The following UBA3 variants were observed in gnomAD, a reference collection of about 807,000 sequenced individuals.
UBA3 encodes the protein ubiquitin like modifier activating enzyme 3, also known as NEDD8-activating enzyme E1 catalytic subunit.
In UBA3, 26 loss-of-function variants were observed where a neutral mutation model predicts 73.5. That is an observed-to-expected ratio of 0.35 (90% CI 0.26 to 0.49). The LOEUF (loss-of-function observed/expected upper bound fraction) is 0.49. UBA3 is among the 20% of genes least tolerant of loss of function. UBA3 has a pLI of 0.98. For synonymous variants in UBA3, 217 were observed against 191.2 expected (o/e 1.13, Z -1.11); for missense variants, 495 against 555.6 (o/e 0.89, Z 1.10).
rs558794194 is a variant in UBA3 at position 69,072,920 on chromosome 3, A to C, written c.265-1303T>G. On this transcript the variant is annotated intron_variant, in intron 4 of 17. Transcript: ENST00000361055. ...TCTCACAGCACACCACCAATCCATCAGCTAATCCTGTTGATTCCATCTTCA... is the reference window on the plus strand; with the variant it reads ...TCTCACAGCACACCACCAATCCATCCGCTAATCCTGTTGATTCCATCTTCA... Among the ~76,000 whole-genome samples, 13 of 152,310 alleles carry C rather than the reference A, an allele frequency of 8.5e-5. No individual in the cohort carries two copies. The South Asian group carries it at 2.7e-3, about 32-fold the overall frequency.
intron 4 of UBA3, among the ~76,000 whole-genome samples, chr3:69,074,118 T>G (rs3821562): frequency 0.23 from 35,128 of 152,176 alleles, 4,167 homozygotes; most frequent in East Asian, 0.38. Flanking sequence ...AATCTTCAGA[T>G]CTAATCTTCA....
At chr3:69,067,064 C>T (rs1575839001) in intron 6 of UBA3, among the ~76,000 whole-genome samples, 2 of 152,218 alleles carry the variant, frequency 1.3e-5, no homozygotes, top group South Asian at 4.1e-4. Flanking sequence ...TATTCCTTTG[C>T]TTTTCTATAT....
intron 1 of UBA3, 49 bp from the exon 2 acceptor site, chr3:69,080,202 G>C (rs1334820331): frequency 7.0e-7 from 1 of 1,437,344 alleles, no homozygotes; most frequent in Non-Finnish European, 9.7e-7. Flanking sequence ...CACACTGGGC[G>C]CCGCGAGGGG....
chr3:69,080,057 G>A lies in UBA3; in HGVS notation c.62+55C>T, dbSNP rs564973245. 94 of 1,559,840 alleles carry A rather than the reference G, an allele frequency of 6.0e-5. 3 individuals carry two copies. In the South Asian group the frequency reaches 9.0e-4, roughly 15 times the overall value. ...GCTGCGGCTGGTCCCCTAGGCCTGGGGTGGGGGGAGGCGGGGGTCCCCGGA... is the reference window on the plus strand; with the variant it reads ...GCTGCGGCTGGTCCCCTAGGCCTGGAGTGGGGGGAGGCGGGGGTCCCCGGA... On this transcript the variant is annotated intron_variant, in intron 2 of 17. Transcript: ENST00000361055.
In UBA3 at chr3:69,055,197, C is replaced by T. The variant is rs2107477110; in HGVS notation, c.*240G>A. 3.4e-6 allele frequency: 1 copy of T among 297,898 alleles called. No individual in the cohort carries two copies. The allele number at this position is 297,898 out of a possible 1,614,324, so 18.5% of individuals were successfully genotyped here. A position where few individuals can be genotyped will look rare whatever the true frequency, so the allele number is the denominator to read the frequency against. On this transcript the variant is annotated 3_prime_UTR_variant, in exon 18 of 18. Transcript: ENST00000361055. ...GCTTCCTCCTCTAAAAGAAGCAATA[C>T]ATTTGCTCATAATCTCTCTCTCCAG...
At chr3:69,057,150 C>T (rs2091980708) in intron 12 of UBA3, 106 bp downstream of exon 12, 4 of 1,172,006 alleles carry the variant, frequency 3.4e-6, no homozygotes, top group Non-Finnish European at 5.0e-6. Context: ...CTTAGTTACA[C>T]AACCCATCCA....
intron 11 of UBA3, 60 bp downstream of exon 11, chr3:69,061,754 G>T: frequency 1.8e-6 from 2 of 1,114,166 alleles, no homozygotes; most frequent in Middle Eastern, 2.1e-4. Context: ...TTATTCTCCT[G>T]AAAGCATCCC....
chr3:69,071,479 G>T, intron 5 of UBA3, 56 bp downstream of exon 5: 1 of 947,710 alleles, frequency 1.1e-6, no homozygotes, highest in Non-Finnish European at 1.6e-6. Context: ...CAATGTACAA[G>T]TTCAAATGAT....
At chr3:69,060,422 G>A (rs1037652145) in intron 11 of UBA3, among the ~76,000 whole-genome samples, 8 of 152,070 alleles carry the variant, frequency 5.3e-5, no homozygotes. Flanking sequence ...TAGCATCAAT[G>A]TAAACAAAAA....
chr3:69,070,803 C>T (rs1284335118), intron 5 of UBA3, among the ~76,000 whole-genome samples: 1 of 152,004 alleles, frequency 6.6e-6, no homozygotes, highest in African/African-American at 2.4e-5. Context: ...CAGGTGCACA[C>T]CCGGCTAATT....
At chr3:69,077,112 T>G (rs1400448624) in intron 3 of UBA3, among the ~76,000 whole-genome samples, 1 of 151,822 alleles carries the variant, frequency 6.6e-6, no homozygotes, top group Non-Finnish European at 1.5e-5. Flanking sequence ...TTTTTCTTTT[T>G]TTTTTTTTTA....
intron 4 of UBA3, among the ~76,000 whole-genome samples, chr3:69,074,786 CTTAAT>C (rs2092151273): frequency 1.3e-5 from 2 of 152,176 alleles, no homozygotes; most frequent in African/African-American, 2.4e-5. Context: ...AAATTATATA[CTTAAT>C]TTATTTCTAA....
chr3:69,069,082 A>G (rs927722818), intron 5 of UBA3, among the ~76,000 whole-genome samples: 6 of 152,192 alleles, frequency 3.9e-5, no homozygotes, highest in African/African-American at 7.2e-5. Context: ...CCTCAGAGAA[A>G]TCACTCCATG....
At chr3:69,067,833 C>T in intron 6 of UBA3, 95 bp downstream of exon 6, 5 of 866,772 alleles carry the variant, frequency 5.8e-6, no homozygotes, top group Admixed American at 2.8e-5. Flanking sequence ...ACTTTTTTTC[C>T]CTCTTGCTTA....
intron 9 of UBA3, among the ~76,000 whole-genome samples, chr3:69,062,693 T>C (rs917322984): frequency 1.3e-5 from 2 of 152,154 alleles, no homozygotes; most frequent in African/African-American, 2.4e-5. Context: ...GAAAACCACA[T>C]AGATTACAGC....
chr3:69,079,834 G>A, intron 2 of UBA3: 1 of 464,784 alleles, frequency 2.2e-6, no homozygotes, highest in Non-Finnish European at 3.8e-6. Flanking sequence ...AGTGCACAAG[G>A]GTCCTTCCTC....
chr3:69,056,601 ATAC>A lies in UBA3; in HGVS notation c.1083+8_1083+10del, dbSNP rs1318406587. On this transcript the variant is annotated splice_region_variant and intron_variant, in intron 14 of 17. Transcript: ENST00000361055. ...ATGCATGATCAAAAATGTGTTCTTA[ATAC>A]TACTAACCTTTCTTTCTGCTTCAAA... is the stretch of plus-strand genomic sequence containing the variant. 28 of 1,593,762 alleles carry A rather than the reference ATAC, an allele frequency of 1.8e-5. No homozygotes were observed. Among genetic ancestry groups the A allele is most frequent in the Non-Finnish European group, 2.3e-5 (27 of 1,167,766 alleles).
At chr3:69,065,293 G>A (rs1351038606) in intron 6 of UBA3, among the ~76,000 whole-genome samples, 1 of 149,712 alleles carries the variant, frequency 6.7e-6, no homozygotes, top group African/African-American at 2.5e-5. Context: ...GCATTTTTAA[G>A]CTCTTTATTT....
rs755556287 is a variant in UBA3, at chr3:69,067,938, T to C, written c.418A>G (p.Asn140Asp). ...EFLNDRVPNC[N>D]VVPHFNKIQD... Reference sequence around the variant, plus strand: ...TTGTCAAAAGGATACGGAACTACATTGCAATTAGGAACTCTGTCATTTAGA... The same window carrying C: ...TTGTCAAAAGGATACGGAACTACATCGCAATTAGGAACTCTGTCATTTAGA... Residue 140 changes from asparagine (N) to aspartate (D), a missense_variant, in exon 6 of 18, where the codon AAT becomes GAT. By Grantham distance (23) the Asn-to-Asp change is conservative (BLOSUM62 1). Transcript: ENST00000361055. The C allele has an allele frequency of 1.9e-6, 3 of 1,605,832 alleles. No individual in the cohort carries two copies. The highest frequency in any genetic ancestry group is 2.6e-6 in the Non-Finnish European group (3 of 1,175,196).
Sources: allele counts gnomAD v4.1 joint callset (sites outside exome capture counted in the v4.1 genomes callset), GRCh38; gene constraint gnomAD v4.1.1; transcripts MANE v1.5; gene names NCBI Gene and HGNC (gene_info 2026-07-23, HGNC 2026-07-21).